The following FBXW8 variants were observed in gnomAD, a reference collection of about 807,000 sequenced individuals.
FBXW8 encodes the protein F-box and WD repeat domain containing 8.
In FBXW8, 57 loss-of-function variants were observed where a neutral mutation model predicts 65.3. The observed-to-expected ratio is 0.87, with a 90% CI of 0.71 to 1.09. The LOEUF (loss-of-function observed/expected upper bound fraction) is 1.09, where lower values mean the gene tolerates loss of function less well. Among genes scored for constraint, FBXW8 ranks in the 50% least tolerant of loss-of-function variants. The pLI is 0.00. For missense variants in FBXW8, 777 were observed against 814.8 expected, an observed-to-expected ratio of 0.95 and a Z score of 0.57; for synonymous variants, 308 against 330.2, an observed-to-expected ratio of 0.93 and a Z score of 0.73.
At position 117,011,664 on chromosome 12, in the gene FBXW8, T is replaced by C. The variant is rs546969357; in HGVS notation, c.1367+1214T>C. Among the ~76,000 whole-genome samples, 91 of 152,214 alleles carry C rather than the reference T, an allele frequency of 6.0e-4. 3 individuals carry two copies. The South Asian group carries it at 0.019, about 31-fold the overall frequency. ...GCTATACAGAGGCTCCAAGCTCCTC[T>C]CCTAGGATCTCCACACAGGGACCTG... is the stretch of plus-strand genomic sequence containing the variant. On this transcript the variant is annotated intron_variant, in intron 8 of 10. Transcript: ENST00000652555.
intron 7 of FBXW8, among the ~76,000 whole-genome samples, chr12:117,004,010 G>A (rs1953611731): frequency 6.6e-6 from 1 of 152,124 alleles, no homozygotes; most frequent in Non-Finnish European, 1.5e-5. Flanking sequence ...AATGTATCGC[G>A]ATGCTCTGCG....
intron 1 of FBXW8, among the ~76,000 whole-genome samples, chr12:116,922,203 T>C (rs1338514032): frequency 6.6e-6 from 1 of 152,158 alleles, no homozygotes; most frequent in Non-Finnish European, 1.5e-5. Flanking sequence ...AAATGGATGC[T>C]TATTTATCTC....
At chr12:116,986,654 A>G (rs1885708578) in intron 6 of FBXW8, 1 of 152,312 alleles carries the variant, frequency 6.6e-6, no homozygotes, top group Non-Finnish European at 1.5e-5. Context: ...AAAAACAACA[A>G]AAAAACGAAT....
intron 7 of FBXW8, among the ~76,000 whole-genome samples, chr12:117,003,902 T>C (rs1041350375): frequency 1.3e-5 from 2 of 152,358 alleles, no homozygotes; most frequent in African/African-American, 2.4e-5. Flanking sequence ...TGTCTCTTTG[T>C]ATGTCTGGGA....
chr12:117,022,665 T>A (rs1236036483), intron 8 of FBXW8, among the ~76,000 whole-genome samples: 3 of 151,926 alleles, frequency 2.0e-5, no homozygotes, highest in Admixed American at 2.0e-4. Flanking sequence ...TTAAAAAAAA[T>A]AATAAACAAC....
Position 116,911,188 on chromosome 12 carries a change from GGGGACCCGGC to G in FBXW8, c.153_162del (p.Asp52TrpfsTer25). The G allele has an allele frequency of 7.7e-7, 1 of 1,296,516 alleles. No homozygotes were observed. Among genetic ancestry groups the G allele is most frequent in the Non-Finnish European group, 9.7e-7 (1 of 1,028,426 alleles). The allele number at this position is 1,296,516 out of a possible 1,614,324, so 80.3% of individuals were successfully genotyped here. ...CTCCGGGCGCGGCGAACAGGCCTCG[GGGGACCCGGC>G]GCTGGCCCAGCGTCTCCTGGAGGGC... On this transcript the variant is annotated frameshift_variant, in exon 1 of 11. Coordinates refer to ENST00000652555, the MANE Select transcript of FBXW8 (RefSeq NM_153348.3). LOFTEE classifies it high-confidence loss of function.
intron 9 of FBXW8, among the ~76,000 whole-genome samples, chr12:117,025,251 G>A (rs550398366): frequency 9.8e-5 from 15 of 152,326 alleles, no homozygotes; most frequent in African/African-American, 3.6e-4. Flanking sequence ...AGGAGACTGA[G>A]GAGCTCTCAA....
intron 7 of FBXW8, among the ~76,000 whole-genome samples, chr12:116,990,160 A>G (rs898831775): frequency 1.3e-5 from 2 of 152,228 alleles, no homozygotes; most frequent in African/African-American, 2.4e-5. Flanking sequence ...TATATTCTTC[A>G]TCCAGGAAGA....
chr12:117,004,622 C>T (rs1441350349), intron 7 of FBXW8, among the ~76,000 whole-genome samples: 5 of 152,216 alleles, frequency 3.3e-5, no homozygotes, highest in African/African-American at 7.2e-5. Flanking sequence ...GTTTTCCACC[C>T]CGAACTGAAC....
At chr12:116,934,189 T>C (rs1881987519) in intron 2 of FBXW8, among the ~76,000 whole-genome samples, 1 of 152,202 alleles carries the variant, frequency 6.6e-6, no homozygotes, top group Admixed American at 6.5e-5. Flanking sequence ...CTCTTTTTTT[T>C]GCTTTTGAGG....
intron 9 of FBXW8, among the ~76,000 whole-genome samples, chr12:117,026,128 G>A (rs554151452): frequency 3.3e-5 from 5 of 152,314 alleles, no homozygotes; most frequent in African/African-American, 7.2e-5. Context: ...TGTACCTCCC[G>A]CTGTCCGCTT....
At chr12:116,948,760 T>A (rs1883090265) in intron 3 of FBXW8, 1 of 152,214 alleles carries the variant, frequency 6.6e-6, no homozygotes, top group African/African-American at 2.4e-5. Flanking sequence ...CAATTTAATT[T>A]TTTATTTTTT....
Position 116,911,318 on chromosome 12 carries a change from G to A in FBXW8, c.281G>A (p.Gly94Asp). Residue 94 changes from glycine to aspartate, a missense_variant, in exon 1 of 11, where the codon GGC (glycine) becomes GAC (aspartate). By Grantham distance (94) the Gly-to-Asp change is moderately conservative. Transcript: ENST00000652555. ...CCTCTGGCCCGCGAGGGCGCCGGGG[G>A]CGGGGAGCAGCTGGTGGACCAGCTC... ...RSPLAREGAG[G>D]GEQLVDQLIR... is the part of the protein sequence containing the mutation. The A allele has an allele frequency of 3.3e-5, 43 of 1,286,038 alleles. No homozygotes were observed. Among genetic ancestry groups the A allele is most frequent in the Non-Finnish European group, 4.1e-5 (42 of 1,019,728 alleles). The allele number at this position is 1,286,038 out of a possible 1,614,324, so 79.7% of individuals were successfully genotyped here. A position where few individuals can be genotyped will look rare whatever the true frequency, so the allele number is the denominator to read the frequency against.
chr12:116,986,065 A>G (rs909906362), intron 6 of FBXW8: 2 of 152,382 alleles, frequency 1.3e-5, no homozygotes, highest in African/African-American at 2.4e-5. Context: ...AAATCTGTCT[A>G]TGCTGAGTTA....
intron 1 of FBXW8, among the ~76,000 whole-genome samples, chr12:116,927,677 A>G (rs1344562349): frequency 6.6e-6 from 1 of 152,166 alleles, no homozygotes; most frequent in Non-Finnish European, 1.5e-5. Context: ...CTTAGAGGTC[A>G]GGAGGCTTTC....
intron 5 of FBXW8, among the ~76,000 whole-genome samples, chr12:116,969,475 A>G (rs1229733466): frequency 2.0e-5 from 3 of 152,214 alleles, no homozygotes; most frequent in African/African-American, 7.2e-5. Context: ...TTGGGCAAAG[A>G]CAGATTCAAA....
intron 1 of FBXW8, among the ~76,000 whole-genome samples, chr12:116,914,736 A>C (rs1880264090): frequency 6.6e-6 from 1 of 151,960 alleles, no homozygotes; most frequent in Admixed American, 6.6e-5. Context: ...TTAGCCAGGC[A>C]TGGTGGTGGG....
rs758534382 is a variant in FBXW8 at position 117,010,455 on chromosome 12, G to A, written c.1367+5G>A. 8.7e-6 allele frequency: 14 copies of A among 1,614,102 alleles called. No individual in the cohort carries two copies. In the African/African-American group the frequency reaches 1.1e-4, roughly 12 times the overall value. On this transcript the variant is annotated splice_donor_5th_base_variant and intron_variant, in intron 8 of 10. Coordinates refer to ENST00000652555, the MANE Select transcript of FBXW8 (RefSeq NM_153348.3). ...CAGTGGCAACATGGACGGGAGGTAC[G>A]TGAGTTGGAAGGGCATTGCCTTGCA...
intron 8 of FBXW8, among the ~76,000 whole-genome samples, chr12:117,023,590 C>G (rs1954151624): frequency 6.6e-6 from 1 of 152,128 alleles, no homozygotes; most frequent in South Asian, 2.1e-4. Flanking sequence ...AGTGACTGCC[C>G]AGGGTACACA....
Sources: allele counts gnomAD v4.1 joint callset (sites outside exome capture counted in the v4.1 genomes callset), GRCh38; gene constraint gnomAD v4.1.1; transcripts MANE v1.5; gene names NCBI Gene and HGNC (gene_info 2026-07-23, HGNC 2026-07-21).